FOXJ2: variants seen among roughly 807,000 people sequenced by gnomAD.
FOXJ2 encodes forkhead box protein J2.
FOXJ2 carries 18 observed loss-of-function variants against 68.4 expected under a neutral mutation model. That is an observed-to-expected ratio of 0.26 (90% CI 0.18 to 0.39). The LOEUF (loss-of-function observed/expected upper bound fraction) is 0.39. Ranked by LOEUF, FOXJ2 falls within the 10% of genes least tolerant of loss-of-function variation. The probability of loss-of-function intolerance (pLI) is 1.00; values close to 1 mark genes in which losing one functional copy is unlikely to be tolerated. For missense variants in FOXJ2, 670 were observed against 726.5 expected (o/e 0.92, Z 0.89); for synonymous variants, 274 against 263.2 (o/e 1.04, Z -0.40).
At position 8,044,824 on chromosome 12, in the gene FOXJ2, G is replaced by A; in HGVS notation, c.683G>A (p.Gly228Asp). 6.2e-7 allele frequency: 1 copy of A among 1,613,944 alleles called. No homozygotes were observed. Among genetic ancestry groups the A allele is most frequent in the Non-Finnish European group, 8.5e-7 (1 of 1,179,872 alleles). Residue 228 changes from glycine (G) to aspartate (D), a missense_variant, in exon 6 of 11, where the codon GGT becomes GAT. Gly to Asp is a moderately conservative substitution (Grantham distance 94, BLOSUM62 -1). This residue lies in a region of FOXJ2 where 555 missense variants were observed against 562.2 expected (regional missense o/e 0.99). Coordinates refer to ENST00000162391, the MANE Select transcript of FOXJ2 (RefSeq NM_018416.3). ...AGASGRESAE[G>D]PPPLYNTNHD... Reference sequence around the variant, plus strand: ...GCTTCAGGCCGAGAAAGTGCTGAGGGTCCCCCTCCCCTCTATAACACCAAC... The same window carrying A: ...GCTTCAGGCCGAGAAAGTGCTGAGGATCCCCCTCCCCTCTATAACACCAAC...
In FOXJ2 at chr12:8,048,154, G is replaced by T; in HGVS notation, c.1090G>T (p.Ala364Ser). The change falls in exon 7 of 11, where the codon GCC becomes TCC. Residue 364 changes from alanine (A) to serine (S), a missense_variant. Around this residue, in one of 2 missense-constraint regions of FOXJ2, gnomAD observed 555 missense variants for 562.2 expected, o/e 0.99. Transcript: ENST00000162391. ...AEGYGPPPVM[A>S]MHPPPLQHGG... ...AGGCTATGGGCCTCCCCCTGTAATG[G>T]CCATGCATCCACCCCCGCTGCAGCA... is the stretch of plus-strand genomic sequence containing the variant. 1.2e-6 allele frequency: 2 copies of T among 1,613,910 alleles called. No individual in the cohort carries two copies. The highest frequency in any genetic ancestry group is 2.2e-5 in the East Asian group (1 of 44,876).
At chr12:8,051,311 G>C (rs1324875784) in intron 10 of FOXJ2, among the ~76,000 whole-genome samples, 1 of 151,998 alleles carries the variant, frequency 6.6e-6, no homozygotes, top group Non-Finnish European at 1.5e-5. Context: ...TGTATTTTTA[G>C]TAGAGACGGG....
At chr12:8,050,409 G>A in intron 9 of FOXJ2, 113 bp from the exon 10 acceptor site, 1 of 1,465,136 alleles carries the variant, frequency 6.8e-7, no homozygotes. Flanking sequence ...ACAGAACAGG[G>A]CAGGGAAGAG....
At chr12:8,047,814 C>T in intron 6 of FOXJ2, 68 bp from the exon 7 acceptor site, 1 of 1,517,586 alleles carries the variant, frequency 6.6e-7, no homozygotes, top group Non-Finnish European at 8.9e-7. Context: ...CATCTCAACC[C>T]AGGGAAAATC....
rs1328572209 is a variant in FOXJ2, at chr12:8,040,245, A to G, written c.333+80A>G. On this transcript the variant is annotated intron_variant, in intron 2 of 10. Transcript: ENST00000162391. This position sits in a 1 kb window ranked among gnomAD's most constrained non-coding sequence, Gnocchi z 4.0. The stretch of plus-strand genomic sequence containing the variant: ...AGAAAAAGGTTTTGTTTCTTCTTGT[A>G]ACCTGTTCAGTTTACTCTGGTTTGT... 1.9e-5 allele frequency: 27 copies of G among 1,404,464 alleles called. No individual in the cohort carries two copies. The highest frequency in any genetic ancestry group is 2.6e-5 in the Non-Finnish European group (27 of 1,022,840). The allele number at this position is 1,404,464 out of a possible 1,614,324, so 87.0% of individuals were successfully genotyped here.
At chr12:8,048,526 T>C (rs1947071665) in intron 7 of FOXJ2, among the ~76,000 whole-genome samples, 171 bp from the exon 8 acceptor site, 1 of 152,266 alleles carries the variant, frequency 6.6e-6, no homozygotes, top group Non-Finnish European at 1.5e-5. Flanking sequence ...ACTTAAAGCG[T>C]AGCTAGCTTT....
In FOXJ2 at chr12:8,044,228, A is replaced by C. The variant is rs1474861731; in HGVS notation, c.618+137A>C. 4.7e-6 allele frequency: 5 copies of C among 1,074,746 alleles called. No individual in the cohort carries two copies. In the African/African-American group the frequency reaches 6.5e-5, roughly 14 times the overall value. The allele number at this position is 1,074,746 out of a possible 1,614,324, so 66.6% of individuals were successfully genotyped here. On this transcript the variant is annotated intron_variant, in intron 5 of 10. Transcript: ENST00000162391. Reference sequence around the variant, plus strand: ...TTGAGAAGGAAGGGGAAGGCAAAAGAGGGAAATAGAGAGAGAGAGAAATAG... The same window carrying C: ...TTGAGAAGGAAGGGGAAGGCAAAAGCGGGAAATAGAGAGAGAGAGAAATAG...
chr12:8,039,387 G>A (rs147779155), intron 1 of FOXJ2, among the ~76,000 whole-genome samples: 60 of 152,278 alleles, frequency 3.9e-4, no homozygotes, highest in African/African-American at 1.3e-3. Context: ...CGTTCGTGCC[G>A]TCTATCTGTG....
intron 10 of FOXJ2, among the ~76,000 whole-genome samples, chr12:8,052,025 T>C (rs1490895036): frequency 1.3e-5 from 2 of 151,620 alleles, no homozygotes; most frequent in Non-Finnish European, 2.9e-5. Context: ...CCCGCCACTG[T>C]GCCTGGCTAA....
chr12:8,034,088 T>G (rs977043890), intron 1 of FOXJ2, among the ~76,000 whole-genome samples: 3 of 152,144 alleles, frequency 2.0e-5, no homozygotes, highest in African/African-American at 7.2e-5. Context: ...AAGTGGATGT[T>G]TTCATGCTGA....
At chr12:8,036,522 G>C (rs1305103622) in intron 1 of FOXJ2, among the ~76,000 whole-genome samples, 1 of 151,978 alleles carries the variant, frequency 6.6e-6, no homozygotes, top group East Asian at 1.9e-4. Flanking sequence ...AGAAGAATGT[G>C]GCCTGACTCA....
chr12:8,041,567 G>A (rs1196352970), intron 2 of FOXJ2, among the ~76,000 whole-genome samples: 2 of 150,446 alleles, frequency 1.3e-5, no homozygotes, highest in Non-Finnish European at 3.0e-5. Flanking sequence ...AGGCTGGATT[G>A]TAGTGGTACA....
rs1565625619 is a variant in FOXJ2, at chr12:8,032,962, G to C, written c.-886G>C. 2.5e-6 allele frequency: 1 copy of C among 396,332 alleles called. No homozygotes were observed. The highest frequency in any genetic ancestry group is 2.1e-5 in the African/African-American group (1 of 48,498). The allele number at this position is 396,332 out of a possible 1,614,324, so 24.6% of individuals were successfully genotyped here. On this transcript the variant is annotated 5_prime_UTR_variant, in exon 1 of 11. Coordinates refer to ENST00000162391, the MANE Select transcript of FOXJ2 (RefSeq NM_018416.3). This position sits in a 1 kb window ranked among gnomAD's most constrained non-coding sequence, Gnocchi z 4.8. ...CCCAGGCCAGCTCAGGGACAGCCGG[G>C]AGTACGAAAGCCCCACCCTCTGGGG... is the stretch of plus-strand genomic sequence containing the variant.
chr12:8,050,614 C>T lies in FOXJ2; in HGVS notation c.1630C>T (p.Arg544Cys), dbSNP rs1000445085. ...CACCCAGGACTCAGCAGGATACAAT[C>T]GCCCAGGTAAGAGCTAAGAAGCTTG... ...IPTQDSAGYN[R>C]PAHHMVPRPS... The change falls in exon 10 of 11, where the codon CGC (arginine) becomes TGC (cysteine). Residue 544 changes from arginine (R) to cysteine (C), a missense_variant. Physicochemically the swap from Arg to Cys is radical, Grantham distance 180 (BLOSUM62 -3). Around this residue, in one of 2 missense-constraint regions of FOXJ2, gnomAD observed 555 missense variants for 562.2 expected, o/e 0.99. Coordinates refer to ENST00000162391, the MANE Select transcript of FOXJ2 (RefSeq NM_018416.3). 20 of 1,613,924 alleles carry T rather than the reference C, an allele frequency of 1.2e-5. No homozygotes were observed. The highest frequency in any genetic ancestry group is 2.7e-5 in the African/African-American group (2 of 74,910).
chr12:8,040,717 G>A lies in FOXJ2; in HGVS notation c.333+552G>A, dbSNP rs1946954383. Among the ~76,000 whole-genome samples, 2 of 151,962 alleles carry A rather than the reference G, an allele frequency of 1.3e-5. No homozygotes were observed. Among genetic ancestry groups the A allele is most frequent in the East Asian group, 1.9e-4 (1 of 5,166 alleles). On this transcript the variant is annotated intron_variant, in intron 2 of 10. Transcript: ENST00000162391. This position sits in a 1 kb window ranked among gnomAD's most constrained non-coding sequence, Gnocchi z 4.0. Reference sequence around the variant, plus strand: ...ATTACAGGCATGAGCCACTGCACCCGGCCCACATCCTCTTGTCTTCTGATC... The same window carrying A: ...ATTACAGGCATGAGCCACTGCACCCAGCCCACATCCTCTTGTCTTCTGATC...
intron 10 of FOXJ2, 71 bp downstream of exon 10, chr12:8,050,691 G>A: frequency 6.4e-7 from 1 of 1,559,010 alleles, no homozygotes; most frequent in East Asian, 2.2e-5. Context: ...TTGACTCTGA[G>A]CTGGCATTCT....
Position 8,042,098 on chromosome 12 carries a change from G to A in FOXJ2, c.334-560G>A, listed in dbSNP as rs768195283. 3.3e-5 allele frequency among the ~76,000 whole-genome samples: 5 copies of A among 151,992 alleles called. 1 individual carries two copies. Among genetic ancestry groups the A allele is most frequent in the South Asian group, 4.2e-4 (2 of 4,812 alleles). On this transcript the variant is annotated intron_variant, in intron 2 of 10. Transcript: ENST00000162391. ...TCACCATGTCGGCTAGGCTGGTCTCGAACTCCTGACCTCAGGTGATCAGCC... is the reference window on the plus strand; with the variant it reads ...TCACCATGTCGGCTAGGCTGGTCTCAAACTCCTGACCTCAGGTGATCAGCC...
At chr12:8,048,862 G>A in intron 8 of FOXJ2, 64 bp downstream of exon 8, 2 of 1,338,346 alleles carry the variant, frequency 1.5e-6, no homozygotes, top group Non-Finnish European at 2.1e-6. Flanking sequence ...GTAGAAACTG[G>A]AACCGGAAGG....
intron 9 of FOXJ2, 117 bp from the exon 10 acceptor site, chr12:8,050,405 C>CA (rs2121353239): frequency 6.9e-7 from 1 of 1,442,208 alleles, no homozygotes; most frequent in African/African-American, 1.4e-5. Context: ...AGCTACAGAA[C>CA]AGGGCAGGGA....
Sources: gnomAD v4.1 joint callset for allele counts (sites outside exome capture counted in the v4.1 genomes callset) on GRCh38, gnomAD v4.1.1 for gene constraint, gnomAD v4.1.1 regional missense constraint, Gnocchi (gnomAD v3.1) non-coding constraint, MANE v1.5 for transcripts, NCBI Gene and HGNC (gene_info 2026-07-23, HGNC 2026-07-21) for gene names.